Variants in ATXN7L1 observed in about 807,000 individuals in gnomAD.
The protein encoded by ATXN7L1 is ataxin 7 like 1.
Under a neutral mutation model 70.8 loss-of-function variants are expected in ATXN7L1, and 15 were observed. The ratio of observed to expected loss-of-function variants is 0.21; its 90% CI spans 0.14 to 0.33. The LOEUF is 0.33. ATXN7L1 is among the 10% of genes least tolerant of loss of function. The pLI is 1.00. For missense variants in ATXN7L1, 975 were observed against 1,097.1 expected, an observed-to-expected ratio of 0.89 and a Z score of 1.57; for synonymous variants, 440 against 445.1, an observed-to-expected ratio of 0.99 and a Z score of 0.14.
chr7:105,733,837 T>A (rs1322808648), intron 3 of ATXN7L1, among the ~76,000 whole-genome samples: 1 of 63,862 alleles, frequency 1.6e-5, no homozygotes, highest in Non-Finnish European at 3.3e-5. Flanking sequence ...CCTCCATCCG[T>A]CCACCCATCC....
intron 7 of ATXN7L1, among the ~76,000 whole-genome samples, chr7:105,626,192 T>C (rs534196295): frequency 2.6e-4 from 40 of 152,350 alleles, no homozygotes; most frequent in African/African-American, 9.6e-4. Context: ...CAGTGGAATA[T>C]TATGCAAGCC....
rs374135363 is a variant in ATXN7L1, at chr7:105,788,584, C to T, written c.355+20G>A. ...GGGCGGCAGCTGCAGATGTGGCCGA[C>T]GGTGCAGGGGTCCACTTACCGCAGT... On this transcript the variant is annotated intron_variant, in intron 3 of 11. Transcript: ENST00000419735. The T allele has an allele frequency of 4.5e-5, 71 of 1,580,166 alleles. No homozygotes were observed. The highest frequency in any genetic ancestry group is 3.3e-4 in the South Asian group (30 of 90,348).
At chr7:105,746,511 C>G (rs530830878) in intron 3 of ATXN7L1, among the ~76,000 whole-genome samples, 5 of 152,304 alleles carry the variant, frequency 3.3e-5, no homozygotes, top group Admixed American at 2.6e-4. Flanking sequence ...TGCCTAGAGT[C>G]CTTTGGCCAA....
intron 3 of ATXN7L1, among the ~76,000 whole-genome samples, chr7:105,706,123 ATTTCTC>A (rs1425135408): frequency 6.6e-6 from 1 of 152,004 alleles, no homozygotes; most frequent in Non-Finnish European, 1.5e-5. Context: ...AAACTGAATT[ATTTCTC>A]TTAGCCACTG....
chr7:105,671,104 C>CAAAAAAAAAAAAAAAAAAAAAAAAA (rs71155469), intron 3 of ATXN7L1, among the ~76,000 whole-genome samples: 4 of 89,704 alleles, frequency 4.5e-5, no homozygotes, highest in Admixed American at 1.3e-4. Context: ...GACTACGTCT[C>CAAAAAAAAAAAAAAAAAAAAAAAAA]AAAAAAAAAA....
At chr7:105,632,162 T>C (rs1790051) in intron 7 of ATXN7L1, among the ~76,000 whole-genome samples, 86,848 of 152,000 alleles carry the variant, frequency 0.57, 25,203 homozygotes, top group East Asian at 0.79. Context: ...ATCCCCAGTG[T>C]GAGACTGCCC....
intron 3 of ATXN7L1, among the ~76,000 whole-genome samples, chr7:105,704,582 C>CTG (rs1563021171): frequency 1.7e-5 from 2 of 117,244 alleles, no homozygotes; most frequent in Admixed American, 9.3e-5. Context: ...GAGGTTTTAT[C>CTG]TCTTTTTTTT....
intron 2 of ATXN7L1, among the ~76,000 whole-genome samples, chr7:105,848,018 A>G (rs1236345299): frequency 6.6e-6 from 1 of 152,234 alleles, no homozygotes; most frequent in African/African-American, 2.4e-5. Flanking sequence ...AGACATGGGT[A>G]AGTTAGCCTT....
intron 2 of ATXN7L1, among the ~76,000 whole-genome samples, chr7:105,853,477 C>A (rs1480276948): frequency 2.0e-5 from 3 of 152,122 alleles, no homozygotes; most frequent in Non-Finnish European, 4.4e-5. Flanking sequence ...TCACTTGAAC[C>A]CGGGAGGCGG....
At chr7:105,817,684 A>G (rs1281647515) in intron 2 of ATXN7L1, among the ~76,000 whole-genome samples, 1 of 152,208 alleles carries the variant, frequency 6.6e-6, no homozygotes, top group Non-Finnish European at 1.5e-5. Flanking sequence ...TGGGAGGCTG[A>G]GGCTGGAGCA....
At chr7:105,731,389 T>C (rs574451632) in intron 3 of ATXN7L1, among the ~76,000 whole-genome samples, 2 of 152,218 alleles carry the variant, frequency 1.3e-5, no homozygotes, top group East Asian at 3.9e-4. Flanking sequence ...ATAAAGTCTC[T>C]TTAAGAAGAA....
At chr7:105,832,750 G>A (rs1277306121) in intron 2 of ATXN7L1, among the ~76,000 whole-genome samples, 3 of 152,140 alleles carry the variant, frequency 2.0e-5, no homozygotes, top group Non-Finnish European at 2.9e-5. Context: ...CCCAGAGCCT[G>A]CTTCTTACAC....
intron 3 of ATXN7L1, among the ~76,000 whole-genome samples, chr7:105,764,926 C>T (rs1389635976): frequency 1.3e-5 from 2 of 152,010 alleles, no homozygotes; most frequent in African/African-American, 2.4e-5. Flanking sequence ...GAGATTCCAC[C>T]ATGAATGAAA....
intron 7 of ATXN7L1, among the ~76,000 whole-genome samples, chr7:105,627,247 T>A (rs1795833689): frequency 1.3e-5 from 2 of 152,186 alleles, no homozygotes; most frequent in Admixed American, 6.5e-5. Context: ...TTATTTTTAA[T>A]TTTTAGAGAT....
At chr7:105,628,555 C>T (rs898001504) in intron 7 of ATXN7L1, among the ~76,000 whole-genome samples, 18 of 151,702 alleles carry the variant, frequency 1.2e-4, no homozygotes, top group Non-Finnish European at 2.1e-4. Context: ...TTTGGGAGGC[C>T]GAGGCAGTTG....
intron 3 of ATXN7L1, among the ~76,000 whole-genome samples, chr7:105,695,641 T>C (rs573873168): frequency 1.2e-4 from 18 of 152,220 alleles, no homozygotes; most frequent in African/African-American, 4.3e-4. Context: ...CCACTGCACA[T>C]GTAGAGGGGA....
chr7:105,723,775 T>C (rs670004), intron 3 of ATXN7L1, among the ~76,000 whole-genome samples: 112,425 of 152,048 alleles, frequency 0.74, 43,256 homozygotes, highest in East Asian at 1. Flanking sequence ...TCTAGCTCCA[T>C]CTCCCAAGCT....
chr7:105,638,657 A>G, intron 6 of ATXN7L1, 48 bp from the exon 7 acceptor site: 2 of 1,494,026 alleles, frequency 1.3e-6, no homozygotes, highest in South Asian at 2.7e-5. Context: ...TCAGCACATA[A>G]ACCTGCTTCC....
intron 3 of ATXN7L1, among the ~76,000 whole-genome samples, chr7:105,759,596 T>C (rs1289235638): frequency 6.6e-6 from 1 of 151,908 alleles, no homozygotes; most frequent in Non-Finnish European, 1.5e-5. Context: ...ATAGCTCAGA[T>C]AGGTCTCAAA....
Sources: gnomAD v4.1 joint callset for allele counts (sites outside exome capture counted in the v4.1 genomes callset) on GRCh38, gnomAD v4.1.1 for gene constraint, MANE v1.5 for transcripts, NCBI Gene and HGNC (gene_info 2026-07-23, HGNC 2026-07-21) for gene names.